PSMD1: variants seen among roughly 807,000 people sequenced by gnomAD.
PSMD1 encodes the protein 26S proteasome non-ATPase regulatory subunit 1.
A neutral mutation model predicts 119.0 loss-of-function variants in PSMD1; 18 were observed. The ratio of observed to expected loss-of-function variants is 0.15; its 90% CI spans 0.10 to 0.22. PSMD1 has a LOEUF of 0.22. Ranked by LOEUF, PSMD1 falls within the 10% of genes least tolerant of loss-of-function variation. PSMD1 has a pLI of 1.00. For missense variants in PSMD1, 702 were observed against 1,158.5 expected, an observed-to-expected ratio of 0.61 and a Z score of 5.72; for synonymous variants, 374 against 396.6, an observed-to-expected ratio of 0.94 and a Z score of 0.68.
At chr2:231,101,949 G>A (rs1347794958) in intron 16 of PSMD1, among the ~76,000 whole-genome samples, 1 of 152,178 alleles carries the variant, frequency 6.6e-6, no homozygotes, top group Non-Finnish European at 1.5e-5. Flanking sequence ...TAGAATAGCA[G>A]AGACTACAGG....
chr2:231,142,541 G>GT (rs1696149416), intron 17 of PSMD1, among the ~76,000 whole-genome samples: 2 of 151,930 alleles, frequency 1.3e-5, no homozygotes, highest in Non-Finnish European at 1.5e-5. Flanking sequence ...TGAATGAAAA[G>GT]TTTTTTTATT....
At chr2:231,060,471 G>A (rs1693729561) in intron 1 of PSMD1, 1 of 152,224 alleles carries the variant, frequency 6.6e-6, no homozygotes, top group African/African-American at 2.4e-5. Context: ...GGTTTCCTTT[G>A]TGGTCTTAGT....
At chr2:231,116,684 T>A (rs1399841238) in intron 16 of PSMD1, among the ~76,000 whole-genome samples, 2 of 152,088 alleles carry the variant, frequency 1.3e-5, no homozygotes, top group African/African-American at 4.8e-5. Flanking sequence ...TGAAGCCCTG[T>A]TAGCCTCACT....
chr2:231,151,565 C>G (rs1372095581), intron 18 of PSMD1, among the ~76,000 whole-genome samples: 1 of 152,038 alleles, frequency 6.6e-6, no homozygotes, highest in Non-Finnish European at 1.5e-5. Context: ...ATCCATTTGT[C>G]AGTTTTACTG....
intron 6 of PSMD1, among the ~76,000 whole-genome samples, chr2:231,071,384 T>A (rs1240823169): frequency 6.6e-6 from 1 of 152,046 alleles, no homozygotes; most frequent in Admixed American, 6.6e-5. Context: ...TACAATGAAG[T>A]CTTCCTATTA....
intron 16 of PSMD1, among the ~76,000 whole-genome samples, chr2:231,093,960 T>C (rs1694663492): frequency 6.6e-6 from 1 of 152,028 alleles, no homozygotes; most frequent in Non-Finnish European, 1.5e-5. Context: ...AAGTTAAGAG[T>C]AGATGTTTAA....
intron 16 of PSMD1, among the ~76,000 whole-genome samples, chr2:231,127,040 C>T (rs1182940928): frequency 1.3e-5 from 2 of 152,062 alleles, no homozygotes; most frequent in Non-Finnish European, 2.9e-5. Flanking sequence ...CACACACACG[C>T]ACAGACGTAT....
At chr2:231,105,954 A>AT (rs66732217) in intron 16 of PSMD1, among the ~76,000 whole-genome samples, 33,843 of 123,860 alleles carry the variant, frequency 0.27, 4,910 homozygotes, top group Admixed American at 0.4. Flanking sequence ...TGTCATTTTC[A>AT]TTTTTTTTTT....
At chr2:231,112,254 C>T (rs116535930) in intron 16 of PSMD1, among the ~76,000 whole-genome samples, 1,866 of 152,286 alleles carry the variant, frequency 0.012, 12 homozygotes, top group Non-Finnish European at 0.019. Flanking sequence ...TTTTCCTCCT[C>T]TGCACTTCAA....
At position 231,170,859 on chromosome 2, in the gene PSMD1, G is replaced by A. The variant is rs975524927; in HGVS notation, c.*9+138G>A. 137 of 924,414 alleles carry A rather than the reference G, an allele frequency of 1.5e-4. 1 individual carries two copies. The highest frequency in any genetic ancestry group is 1.4e-3 in the South Asian group (60 of 41,672). 57.3% of individuals were successfully genotyped at this position (924,414 alleles called of 1,614,324 possible). The stretch of plus-strand genomic sequence containing the variant: ...ACCTAAACAGTATTAAAACTTCCCC[G>A]TTTCAACCTTTTTCTGCATATATAA... On this transcript the variant is annotated intron_variant, in intron 24 of 24. Coordinates refer to ENST00000308696, the MANE Select transcript of PSMD1 (RefSeq NM_002807.4). The surrounding 1 kb of genome is among the most constrained non-coding windows in gnomAD (Gnocchi z 4.1).
At chr2:231,106,620 A>G (rs1380701406) in intron 16 of PSMD1, among the ~76,000 whole-genome samples, 1 of 152,170 alleles carries the variant, frequency 6.6e-6, no homozygotes, top group Non-Finnish European at 1.5e-5. Context: ...TCTGTCTCAA[A>G]AAAAGAAAAA....
At chr2:231,142,642 T>C (rs1396271552) in intron 17 of PSMD1, among the ~76,000 whole-genome samples, 1 of 152,204 alleles carries the variant, frequency 6.6e-6, no homozygotes, top group Non-Finnish European at 1.5e-5. Context: ...TTTTTAATTA[T>C]TTCTTAAAAA....
chr2:231,089,303 C>G (rs539557687), intron 16 of PSMD1, among the ~76,000 whole-genome samples: 1 of 152,246 alleles, frequency 6.6e-6, no homozygotes, highest in South Asian at 2.1e-4. Flanking sequence ...AACAGATTTT[C>G]CATGTAGACA....
intron 18 of PSMD1, among the ~76,000 whole-genome samples, chr2:231,147,823 C>T (rs929888292): frequency 2.0e-5 from 3 of 152,112 alleles, no homozygotes; most frequent in African/African-American, 4.8e-5. Context: ...TATGCCTCAT[C>T]GAGCAAATAA....
intron 20 of PSMD1, chr2:231,163,246 C>T (rs1376540474): frequency 1.2e-5 from 2 of 163,962 alleles, no homozygotes; most frequent in African/African-American, 2.4e-5. Context: ...TGTATTCAGG[C>T]TAGTGTAAGT....
intron 19 of PSMD1, among the ~76,000 whole-genome samples, chr2:231,155,313 A>G (rs1360470986): frequency 6.6e-6 from 1 of 152,180 alleles, no homozygotes; most frequent in Admixed American, 6.5e-5. Context: ...TTGTTTCCTC[A>G]GTCAACTAGG....
intron 4 of PSMD1, among the ~76,000 whole-genome samples, chr2:231,065,268 GTTTTTTTGT>G (rs1282300576): frequency 2.3e-4 from 34 of 150,052 alleles, no homozygotes; most frequent in African/African-American, 7.8e-4. Context: ...TGGGTTTTTT[GTTTTTTTGT>G]TTTTTTTGTT....
chr2:231,079,827 CT>C (rs1694261672), intron 11 of PSMD1, among the ~76,000 whole-genome samples: 1 of 151,996 alleles, frequency 6.6e-6, no homozygotes, highest in Non-Finnish European at 1.5e-5. Context: ...TCTATAAAGA[CT>C]GTGTAAGCCA....
rs1435862429 is a variant in PSMD1 at position 231,139,192 on chromosome 2, C to T, written c.1998+342C>T. On this transcript the variant is annotated intron_variant, in intron 17 of 24. Coordinates refer to ENST00000308696, the MANE Select transcript of PSMD1 (RefSeq NM_002807.4). ...TTTCATCCAGGCTGGAGTGCAGTGG[C>T]GCAGTCTCACCATGTTGGCCAGGCT... is the stretch of plus-strand genomic sequence containing the variant. 36 of 362,172 alleles carry T rather than the reference C, an allele frequency of 9.9e-5. 3 individuals carry two copies. The highest frequency in any genetic ancestry group is 6.7e-4 in the South Asian group (31 of 46,524). The allele number at this position is 362,172 out of a possible 1,614,324, so 22.4% of individuals were successfully genotyped here.
Sources: allele counts gnomAD v4.1 joint callset (sites outside exome capture counted in the v4.1 genomes callset), GRCh38; gene constraint gnomAD v4.1.1; non-coding constraint Gnocchi (gnomAD v3.1); transcripts MANE v1.5; gene names NCBI Gene and HGNC (gene_info 2026-07-23, HGNC 2026-07-21).